The following TTLL12 variants were observed in gnomAD, a reference collection of about 807,000 sequenced individuals.
TTLL12 encodes the protein tubulin--tyrosine ligase-like protein 12.
TTLL12 carries 77 observed loss-of-function variants against 79.6 expected under a neutral mutation model. The ratio of observed to expected loss-of-function variants is 0.97; its 90% CI spans 0.81 to 1.17. TTLL12 has a LOEUF of 1.17. Ranked by LOEUF, TTLL12 falls within the 50% of genes most tolerant of loss-of-function variation. The probability of loss-of-function intolerance (pLI) is 0.00; values close to 1 mark genes in which losing one functional copy is unlikely to be tolerated. For synonymous variants in TTLL12, 437 were observed against 376.1 expected, an observed-to-expected ratio of 1.16 and a Z score of -1.87; for missense variants, 969 against 895.9, an observed-to-expected ratio of 1.08 and a Z score of -1.04.
rs1009666510 is a variant in TTLL12, at chr22:43,186,938, G to T, written c.132C>A (p.Val44=). ...LHGPALRASG[V]PERYWGRLLH... is the part of the protein sequence containing the mutation. ...GGAGGCGGCCCCAGTAACGTTCGGGGACCCCCGAAGCGCGCAGCGCCGGGC... is the reference window on the plus strand; with the variant it reads ...GGAGGCGGCCCCAGTAACGTTCGGGTACCCCCGAAGCGCGCAGCGCCGGGC... The change falls in exon 1 of 14, where the codon GTC becomes GTA. Residue 44 remains valine (V), a synonymous_variant. Transcript: ENST00000216129. The T allele has an allele frequency of 5.9e-6, 8 of 1,365,758 alleles. No homozygotes were observed. The highest frequency in any genetic ancestry group is 1.6e-5 in the South Asian group (1 of 63,374). The allele number at this position is 1,365,758 out of a possible 1,614,324, so 84.6% of individuals were successfully genotyped here. A position where few individuals can be genotyped will look rare whatever the true frequency, so the allele number is the denominator to read the frequency against.
chr22:43,186,834 C>T (rs898288297), intron 1 of TTLL12, 59 bp downstream of exon 1: 16 of 1,230,902 alleles, frequency 1.3e-5, no homozygotes, highest in Non-Finnish European at 1.5e-5. Flanking sequence ...TCCCGCGCCG[C>T]GGGCTCCCGC....
intron 3 of TTLL12, 30 bp from the exon 4 acceptor site, chr22:43,180,030 G>T: frequency 6.5e-7 from 1 of 1,546,442 alleles, no homozygotes. Flanking sequence ...GGCACCTCTC[G>T]CTCACCCATC....
Position 43,168,762 on chromosome 22 carries a change from A to AGCCCCTCTTACCATCTGGGCC in TTLL12, c.1774_1783+11dup. On this transcript the variant is annotated intron_variant, in intron 13 of 13. Coordinates refer to ENST00000216129, the MANE Select transcript of TTLL12 (RefSeq NM_015140.4). ...TGCTGGTTTGGATCAGGAGATGGGG[A>AGCCCCTCTTACCATCTGGGCC]GCCCCTCTTACCATCTGGGCCGTTG... The AGCCCCTCTTACCATCTGGGCC allele has an allele frequency of 6.4e-7, 1 of 1,551,206 alleles. No individual in the cohort carries two copies. Among genetic ancestry groups the AGCCCCTCTTACCATCTGGGCC allele is most frequent in the Non-Finnish European group, 8.7e-7 (1 of 1,148,278 alleles).
chr22:43,181,545 T>C (rs373944870), intron 2 of TTLL12, among the ~76,000 whole-genome samples: 8 of 152,232 alleles, frequency 5.3e-5, no homozygotes, highest in African/African-American at 1.9e-4. Flanking sequence ...CCCCTGCAGC[T>C]GAGCTGCTAC....
Position 43,187,095 on chromosome 22 carries a change from G to GCGCCGCCAC in TTLL12, c.-35_-27dup, listed in dbSNP as rs1243964280. ...GGCGCCAGCACCCGCGCCGACTCCAGCGCCGCCACCGCCGCCGCCGCCCGC... is the reference window on the plus strand; with the variant it reads ...GGCGCCAGCACCCGCGCCGACTCCAGCGCCGCCACCGCCGCCACCGCCGCCGCCGCCCGC... On this transcript the variant is annotated 5_prime_UTR_variant, in exon 1 of 14. Transcript: ENST00000216129. 4.5e-6 allele frequency: 5 copies of GCGCCGCCAC among 1,112,866 alleles called. No individual in the cohort carries two copies. Among genetic ancestry groups the GCGCCGCCAC allele is most frequent in the East Asian group, 4.9e-5 (1 of 20,224 alleles). The allele number at this position is 1,112,866 out of a possible 1,614,324, so 68.9% of individuals were successfully genotyped here. A position where few individuals can be genotyped will look rare whatever the true frequency, so the allele number is the denominator to read the frequency against.
chr22:43,172,701 CTTTTT>C (rs368382622), intron 9 of TTLL12, 147 bp from the exon 10 acceptor site: 1 of 632,440 alleles, frequency 1.6e-6, no homozygotes, highest in Non-Finnish European at 2.5e-6. Flanking sequence ...GCTGCAAAGT[CTTTTT>C]TTTTTTTTTG....
Position 43,182,996 on chromosome 22 carries a change from C to T in TTLL12, c.331G>A (p.Ala111Thr), listed in dbSNP as rs573266535. The T allele has an allele frequency of 1.4e-4, 229 of 1,613,614 alleles. 2 individuals are homozygous for T. The South Asian group carries it at 2.3e-3, about 17-fold the overall frequency. Reference sequence around the variant, plus strand: ...GGCTCCTACCTGTTGGGGTGGGCTGCCTGGAGCCCGCTCTCCCTGGTCACG... The same window carrying T: ...GGCTCCTACCTGTTGGGGTGGGCTGTCTGGAGCCCGCTCTCCCTGGTCACG... The part of the protein sequence containing the change: ...VIVTRESGLQ[A>T]AHPNSIFLID... Residue 111 changes from alanine (A) to threonine (T), a missense_variant, in exon 2 of 14, where the codon GCA (alanine) becomes ACA (threonine). Coordinates refer to ENST00000216129, the MANE Select transcript of TTLL12 (RefSeq NM_015140.4).
At chr22:43,170,114 C>T in intron 11 of TTLL12, 1 of 355,574 alleles carries the variant, frequency 2.8e-6, no homozygotes, top group South Asian at 2.1e-5. Context: ...AAAGAACAAG[C>T]CAGGAAAGGC....
chr22:43,184,960 C>T (rs1049562822), intron 1 of TTLL12, among the ~76,000 whole-genome samples: 2 of 152,006 alleles, frequency 1.3e-5, no homozygotes, highest in Admixed American at 1.3e-4. Context: ...CCGGCCGTGG[C>T]GGCTCACGTC....
In TTLL12 at chr22:43,179,107, G is replaced by A. The variant is rs76962299; in HGVS notation, c.840+512C>T. Among the ~76,000 whole-genome samples, 629 of 152,312 alleles carry A rather than the reference G, an allele frequency of 4.1e-3. 4 individuals carry two copies. The highest frequency in any genetic ancestry group is 0.014 in the African/African-American group (597 of 41,568). ...CCCTAACCCGCCAGCCTCCTTGTAT[G>A]GGGCCTGGATGAGCTCTTACCTCCA... On this transcript the variant is annotated intron_variant, in intron 5 of 13. Coordinates refer to ENST00000216129, the MANE Select transcript of TTLL12 (RefSeq NM_015140.4).
intron 2 of TTLL12, among the ~76,000 whole-genome samples, chr22:43,181,407 C>T (rs1174931781): frequency 6.6e-6 from 1 of 152,240 alleles, no homozygotes; most frequent in East Asian, 1.9e-4. Flanking sequence ...AGCAAAGGCC[C>T]TACACGCCAG....
rs1233139310 is a variant in TTLL12 at position 43,167,119 on chromosome 22, G to A, written c.*889C>T. ...ATTTTGACTGTAGACCCTGGTAGGTGGCATCTGACTTTAACCTGAAGTTCT... is the reference window on the plus strand; with the variant it reads ...ATTTTGACTGTAGACCCTGGTAGGTAGCATCTGACTTTAACCTGAAGTTCT... On this transcript the variant is annotated 3_prime_UTR_variant, in exon 14 of 14. Coordinates refer to ENST00000216129, the MANE Select transcript of TTLL12 (RefSeq NM_015140.4). 4 of 504,786 alleles carry A rather than the reference G, an allele frequency of 7.9e-6. No homozygotes were observed. Among genetic ancestry groups the A allele is most frequent in the Non-Finnish European group, 1.6e-5 (4 of 242,874 alleles). 31.3% of individuals were successfully genotyped at this position (504,786 alleles called of 1,614,324 possible).
intron 6 of TTLL12, chr22:43,175,156 C>G (rs1324382622): frequency 6.6e-6 from 1 of 152,442 alleles, no homozygotes; most frequent in Non-Finnish European, 1.5e-5. Flanking sequence ...GTGGAGCAGC[C>G]TGCCTGTTCT....
intron 9 of TTLL12, 47 bp downstream of exon 9, chr22:43,173,668 T>C (rs1931822018): frequency 6.4e-7 from 1 of 1,554,754 alleles, no homozygotes; most frequent in Non-Finnish European, 8.7e-7. Context: ...CCTCTCACTG[T>C]CCAGCCAGGG....
chr22:43,176,120 C>G (rs1007979087), intron 6 of TTLL12, among the ~76,000 whole-genome samples, 200 bp downstream of exon 6: 3 of 151,900 alleles, frequency 2.0e-5, no homozygotes, highest in Non-Finnish European at 4.4e-5. Flanking sequence ...CCTGCTCGCT[C>G]TCTCACTTTC....
At position 43,169,035 on chromosome 22, in the gene TTLL12, G is replaced by A. The variant is rs879905421; in HGVS notation, c.1645-123C>T. On this transcript the variant is annotated intron_variant, in intron 12 of 13. Coordinates refer to ENST00000216129, the MANE Select transcript of TTLL12 (RefSeq NM_015140.4). ...AAGTCACCCCCTCCCACATCTTCAC[G>A]TCTCTAGACCTCACCATGGCCACCT... is the stretch of plus-strand genomic sequence containing the variant. 1.8e-5 allele frequency: 23 copies of A among 1,307,568 alleles called. 1 individual carries two copies. Among genetic ancestry groups the A allele is most frequent in the South Asian group, 1.6e-4 (11 of 67,434 alleles). The allele number at this position is 1,307,568 out of a possible 1,614,324, so 81.0% of individuals were successfully genotyped here. A position where few individuals can be genotyped will look rare whatever the true frequency, so the allele number is the denominator to read the frequency against.
At chr22:43,182,282 G>A (rs775497892) in intron 2 of TTLL12, among the ~76,000 whole-genome samples, 7 of 152,366 alleles carry the variant, frequency 4.6e-5, no homozygotes, top group South Asian at 4.1e-4. Flanking sequence ...ACGCATGGGC[G>A]GGGGTGCTGG....
chr22:43,171,405 C>T (rs1009454860), intron 11 of TTLL12, among the ~76,000 whole-genome samples: 3 of 152,214 alleles, frequency 2.0e-5, no homozygotes, highest in Non-Finnish European at 4.4e-5. Context: ...GTCCTAGACC[C>T]GGGCAGGGTC....
intron 1 of TTLL12, 44 bp from the exon 2 acceptor site, chr22:43,183,193 C>A (rs1207034403): frequency 8.1e-6 from 13 of 1,607,124 alleles, no homozygotes; most frequent in Non-Finnish European, 1.1e-5. Flanking sequence ...GGCAGGAGAC[C>A]CCACCCCAAT....
Sources: gnomAD v4.1 joint callset for allele counts (sites outside exome capture counted in the v4.1 genomes callset) on GRCh38, gnomAD v4.1.1 for gene constraint, MANE v1.5 for transcripts, NCBI Gene and HGNC (gene_info 2026-07-23, HGNC 2026-07-21) for gene names.